The following UNK variants were observed in gnomAD, a reference collection of about 807,000 sequenced individuals.
The protein encoded by UNK is unk zinc finger.
A neutral mutation model predicts 97.6 loss-of-function variants in UNK; 32 were observed. The observed-to-expected ratio is 0.33, with a 90% confidence interval of 0.25 to 0.44. The LOEUF is 0.44. Ranked by LOEUF, UNK falls within the 20% of genes least tolerant of loss-of-function variation. The pLI is 1.00. For synonymous variants in UNK, 441 were observed against 461.2 expected, an observed-to-expected ratio of 0.96 and a Z score of 0.56; for missense variants, 771 against 1,098.4, an observed-to-expected ratio of 0.70 and a Z score of 4.21.
At chr17:75,793,633 G>A (rs1195506881) in intron 1 of UNK, 6 of 985,388 alleles carry the variant, frequency 6.1e-6, no homozygotes, top group Non-Finnish European at 7.2e-6. Flanking sequence ...AGTCGTATCT[G>A]AACTTATTGA....
intron 1 of UNK, among the ~76,000 whole-genome samples, chr17:75,807,674 C>T (rs2061931296): frequency 1.3e-5 from 2 of 152,124 alleles, no homozygotes; most frequent in Admixed American, 6.5e-5. Context: ...AGGATGGTCT[C>T]GATCTGTTGA....
At chr17:75,785,242 C>A in intron 1 of UNK, 1 of 475,362 alleles carries the variant, frequency 2.1e-6, no homozygotes, top group South Asian at 2.9e-5. Flanking sequence ...GCAGAGTGCA[C>A]TCTCCCTAGG....
Position 75,817,187 on chromosome 17 carries a change from C to A in UNK, c.1105-139C>A. ...TTTCCTTCGTGAGCTTCGGGCTCCC[C>A]GAGTGGTCACTGCTGCTCGTTGGCA... On this transcript the variant is annotated intron_variant, in intron 8 of 15. Coordinates refer to ENST00000589666, the MANE Select transcript of UNK (RefSeq NM_001080419.3). This position sits in a 1 kb window ranked among gnomAD's most constrained non-coding sequence, Gnocchi z 5.8. The A allele has an allele frequency of 1.8e-6, 2 of 1,092,708 alleles. No homozygotes were observed. The highest frequency in any genetic ancestry group is 1.6e-5 in the African/African-American group (1 of 62,322). 67.7% of individuals were successfully genotyped at this position (1,092,708 alleles called of 1,614,324 possible). A position where few individuals can be genotyped will look rare whatever the true frequency, so the allele number is the denominator to read the frequency against.
At chr17:75,822,901 C>G (rs112524740) in intron 14 of UNK, among the ~76,000 whole-genome samples, 4,997 of 152,318 alleles carry the variant, frequency 0.033, 292 homozygotes, top group African/African-American at 0.11. Flanking sequence ...GTCCCAGGAT[C>G]ACCTGCCTCC....
rs2305912 is a variant in UNK, at chr17:75,825,549, T to C, written c.*1132T>C. 4,864 of 152,406 alleles carry C rather than the reference T, an allele frequency of 0.032. 272 individuals carry two copies. Among genetic ancestry groups the C allele is most frequent in the East Asian group, 0.28 (1,462 of 5,140 alleles). The allele number at this position is 152,406 out of a possible 1,614,324, so 9.4% of individuals were successfully genotyped here. A position where few individuals can be genotyped will look rare whatever the true frequency, so the allele number is the denominator to read the frequency against. ...TGTGTCTTAGCTTCCATTTTAAAAA[T>C]TGTTCTGTACAGAGAGAGATGCAGC... On this transcript the variant is annotated 3_prime_UTR_variant, in exon 16 of 16. Coordinates refer to ENST00000589666, the MANE Select transcript of UNK (RefSeq NM_001080419.3). This position sits in a 1 kb window ranked among gnomAD's most constrained non-coding sequence, Gnocchi z 4.4.
Position 75,824,243 on chromosome 17 carries a change from G to A in UNK, c.2278-19G>A. ...GGCCAGACCCATGGATGGTGACCAC[G>A]ATGCCCCTTTCCCTGCAGGCCGTGT... On this transcript the variant is annotated intron_variant, in intron 15 of 15. Transcript: ENST00000589666. This position sits in a 1 kb window ranked among gnomAD's most constrained non-coding sequence, Gnocchi z 4.9. 4 of 1,573,544 alleles carry A rather than the reference G, an allele frequency of 2.5e-6. No homozygotes were observed. Among genetic ancestry groups the A allele is most frequent in the Non-Finnish European group, 2.6e-6 (3 of 1,157,832 alleles).
chr17:75,823,553 A>T (rs537166588), intron 15 of UNK, 31 bp downstream of exon 15: 1 of 1,506,016 alleles, frequency 6.6e-7, no homozygotes, highest in Non-Finnish European at 8.9e-7. Context: ...ACTGGGTGGG[A>T]TGCACGGTGG....
intron 1 of UNK, chr17:75,792,287 T>C: frequency 3.1e-6 from 3 of 977,306 alleles, no homozygotes; most frequent in Non-Finnish European, 3.6e-6. Flanking sequence ...GTTTTTTTGT[T>C]TTTGTTTTTG....
intron 7 of UNK, among the ~76,000 whole-genome samples, chr17:75,815,564 C>T (rs574638808): frequency 1.3e-5 from 2 of 152,232 alleles, no homozygotes; most frequent in Non-Finnish European, 2.9e-5. Flanking sequence ...CCACCAGCCA[C>T]CCCATGTCAT....
In UNK at chr17:75,818,134, G is replaced by A. The variant is rs2062033547; in HGVS notation, c.1337G>A (p.Arg446Lys). Residue 446 changes from arginine to lysine, a missense_variant, in exon 10 of 16, where the codon AGG becomes AAG. Around this residue, in one of 5 missense-constraint regions of UNK, gnomAD observed 192 missense variants for 202.4 expected, o/e 0.95. Transcript: ENST00000589666. The surrounding 1 kb of genome is among the most constrained non-coding windows in gnomAD (Gnocchi z 5.1). ...AKLKPHSLEP[R>K]SQEQPLLQPK... ...TTAAAACCCCACTCATTAGAGCCCA[G>A]GAGTCAAGAGCAGCCTCTGCTTCAG... is the stretch of plus-strand genomic sequence containing the variant. 1.2e-6 allele frequency: 2 copies of A among 1,613,510 alleles called. No homozygotes were observed. The highest frequency in any genetic ancestry group is 1.7e-5 in the Admixed American group (1 of 60,004).
At chr17:75,801,876 GTC>G (rs2061862893) in intron 1 of UNK, among the ~76,000 whole-genome samples, 1 of 145,256 alleles carries the variant, frequency 6.9e-6, no homozygotes, top group African/African-American at 2.6e-5. Flanking sequence ...TGGAGACAGA[GTC>G]TTGCTCTGAT....
chr17:75,785,217 G>T, intron 1 of UNK: 1 of 499,392 alleles, frequency 2.0e-6, no homozygotes, highest in Admixed American at 4.1e-5. Context: ...AGTGGGGAAG[G>T]CGGGAGCTCG....
intron 7 of UNK, among the ~76,000 whole-genome samples, chr17:75,815,630 C>T (rs187498506): frequency 6.6e-6 from 1 of 152,340 alleles, no homozygotes; most frequent in Admixed American, 6.5e-5. Context: ...GAGTCCTGCT[C>T]AGGCCTCTAG....
Position 75,788,156 on chromosome 17 carries a change from TG to T in UNK, c.104+3173del, listed in dbSNP as rs571521927. Among the ~76,000 whole-genome samples, 126 of 152,124 alleles carry T rather than the reference TG, an allele frequency of 8.3e-4. 1 individual carries two copies. In the Middle Eastern group the frequency reaches 0.02, roughly 25 times the overall value. On this transcript the variant is annotated intron_variant, in intron 1 of 15. Coordinates refer to ENST00000589666, the MANE Select transcript of UNK (RefSeq NM_001080419.3). Reference sequence around the variant, plus strand: ...CAGAGATAGACCCCTTTTGAATATTTGTAAGTTTTTGCCTGTCAATTTTTTC... The same window carrying T: ...CAGAGATAGACCCCTTTTGAATATTTTAAGTTTTTGCCTGTCAATTTTTTC...
rs1220750994 is a variant in UNK, at chr17:75,816,668, T to C, written c.962-102T>C. 10 of 1,391,160 alleles carry C rather than the reference T, an allele frequency of 7.2e-6. No homozygotes were observed. The highest frequency in any genetic ancestry group is 5.1e-5 in the Admixed American group (2 of 39,004). The allele number at this position is 1,391,160 out of a possible 1,614,324, so 86.2% of individuals were successfully genotyped here. ...AGATGTCGTAGGAACCTTCCCTTTA[T>C]GTGCAGGGGGATTTGTGGTCTCCTT... On this transcript the variant is annotated intron_variant, in intron 7 of 15. Coordinates refer to ENST00000589666, the MANE Select transcript of UNK (RefSeq NM_001080419.3). This position sits in a 1 kb window ranked among gnomAD's most constrained non-coding sequence, Gnocchi z 4.0.
chr17:75,792,895 G>A (rs755476908), intron 1 of UNK, among the ~76,000 whole-genome samples: 6 of 152,340 alleles, frequency 3.9e-5, no homozygotes, highest in East Asian at 3.9e-4. Flanking sequence ...GGCTTCAAGC[G>A]CATGGCCTAT....
At chr17:75,815,444 A>C (rs577558201) in intron 7 of UNK, among the ~76,000 whole-genome samples, 191 bp downstream of exon 7, 1 of 152,342 alleles carries the variant, frequency 6.6e-6, no homozygotes, top group Admixed American at 6.5e-5. Flanking sequence ...GAAGGCCTAG[A>C]GCTTCCAAAG....
chr17:75,819,008 C>G lies in UNK; in HGVS notation c.1546+192C>G. The G allele has an allele frequency of 3.4e-6, 2 of 590,364 alleles. No individual in the cohort carries two copies. Among genetic ancestry groups the G allele is most frequent in the Non-Finnish European group, 2.8e-6 (1 of 363,626 alleles). The allele number at this position is 590,364 out of a possible 1,614,324, so 36.6% of individuals were successfully genotyped here. A position where few individuals can be genotyped will look rare whatever the true frequency, so the allele number is the denominator to read the frequency against. The stretch of plus-strand genomic sequence containing the variant: ...CCAAGGTGTAGGGCCAGGACTGACC[C>G]TTAGAGCTCCTTTGTGCAAATTAGA... On this transcript the variant is annotated intron_variant, in intron 11 of 15. Coordinates refer to ENST00000589666, the MANE Select transcript of UNK (RefSeq NM_001080419.3). This position sits in a 1 kb window ranked among gnomAD's most constrained non-coding sequence, Gnocchi z 5.4.
intron 1 of UNK, among the ~76,000 whole-genome samples, chr17:75,802,025 T>G (rs1358215689): frequency 4.6e-5 from 7 of 151,880 alleles, no homozygotes. Context: ...TTTTTTGTAT[T>G]TTTAGTAGAG....
Sources: gnomAD v4.1 joint callset for allele counts (sites outside exome capture counted in the v4.1 genomes callset) on GRCh38, gnomAD v4.1.1 for gene constraint, gnomAD v4.1.1 regional missense constraint, Gnocchi (gnomAD v3.1) non-coding constraint, MANE v1.5 for transcripts, NCBI Gene and HGNC (gene_info 2026-07-23, HGNC 2026-07-21) for gene names.